The following RERE variants were observed in gnomAD, a reference collection of about 807,000 sequenced individuals.
RERE encodes arginine-glutamic acid dipeptide repeats protein.
RERE carries 40 observed loss-of-function variants against 146.1 expected under a neutral mutation model. That is an observed-to-expected ratio of 0.27 (90% confidence interval 0.21 to 0.36). RERE has a LOEUF of 0.36. Ranked by LOEUF, RERE falls within the 10% of genes least tolerant of loss-of-function variation. The pLI is 1.00. For synonymous variants in RERE, 1,003 were observed against 866.0 expected (o/e 1.16, Z -2.78); for missense variants, 1,933 against 2,138.7 (o/e 0.90, Z 1.90).
intron 1 of RERE, among the ~76,000 whole-genome samples, chr1:8,810,201 T>C (rs1429879514): frequency 1.3e-5 from 2 of 152,212 alleles, no homozygotes; most frequent in Non-Finnish European, 1.5e-5. Flanking sequence ...AGTTTCACCA[T>C]GTTTGCCAGG....
intron 1 of RERE, among the ~76,000 whole-genome samples, chr1:8,663,700 C>T (rs978021226): frequency 6.6e-6 from 1 of 152,104 alleles, no homozygotes; most frequent in African/African-American, 2.4e-5. Context: ...CCATTTAAAG[C>T]ATACAATTCA....
At chr1:8,357,124 C>T (rs1324240460) in intron 20 of RERE, among the ~76,000 whole-genome samples, 2 of 152,226 alleles carry the variant, frequency 1.3e-5, no homozygotes, top group Non-Finnish European at 2.9e-5. Flanking sequence ...CACAACGTGG[C>T]ACACGTCTTT....
intron 1 of RERE, among the ~76,000 whole-genome samples, chr1:8,808,279 G>A (rs1305198950): frequency 6.6e-6 from 1 of 151,248 alleles, no homozygotes; most frequent in Admixed American, 6.6e-5. Context: ...ATTGTTTTTA[G>A]CATTTCCTAT....
intron 1 of RERE, among the ~76,000 whole-genome samples, chr1:8,808,808 A>G (rs895142096): frequency 2.0e-5 from 3 of 152,158 alleles, no homozygotes; most frequent in Non-Finnish European, 4.4e-5. Flanking sequence ...GAGATTTTCA[A>G]AATTTGAGGC....
intron 4 of RERE, among the ~76,000 whole-genome samples, chr1:8,587,151 GA>G (rs1646436891): frequency 6.6e-6 from 1 of 152,110 alleles, no homozygotes; most frequent in African/African-American, 2.4e-5. Context: ...CGAAAACCAG[GA>G]AGTCTTCAAT....
intron 1 of RERE, among the ~76,000 whole-genome samples, chr1:8,682,336 TA>T (rs1170026990): frequency 1.3e-5 from 2 of 152,244 alleles, no homozygotes. Flanking sequence ...CATTTCAATA[TA>T]AATCTCTTTA....
At chr1:8,549,657 T>A (rs903103903) in intron 6 of RERE, among the ~76,000 whole-genome samples, 1 of 152,168 alleles carries the variant, frequency 6.6e-6, no homozygotes, top group Non-Finnish European at 1.5e-5. Context: ...ATCTCCCAGG[T>A]TAATTAAGCA....
intron 4 of RERE, among the ~76,000 whole-genome samples, chr1:8,570,341 A>G (rs1233292637): frequency 6.6e-6 from 1 of 152,078 alleles, no homozygotes; most frequent in Non-Finnish European, 1.5e-5. Flanking sequence ...AAAAAATAAT[A>G]ATAATAAAAA....
intron 10 of RERE, among the ~76,000 whole-genome samples, chr1:8,467,177 T>G (rs1372552638): frequency 6.6e-6 from 1 of 152,216 alleles, no homozygotes; most frequent in Non-Finnish European, 1.5e-5. Flanking sequence ...GAGTGGACGT[T>G]CTGATCTTTT....
At chr1:8,382,550 G>A (rs1330325574) in intron 12 of RERE, among the ~76,000 whole-genome samples, 1 of 152,230 alleles carries the variant, frequency 6.6e-6, no homozygotes, top group Non-Finnish European at 1.5e-5. Flanking sequence ...TTAAAATGAA[G>A]TGACTATTAA....
At chr1:8,601,671 C>CACACAT (rs1468928033) in intron 4 of RERE, among the ~76,000 whole-genome samples, 2 of 132,750 alleles carry the variant, frequency 1.5e-5, no homozygotes, top group Non-Finnish European at 3.2e-5. Flanking sequence ...CACACACACA[C>CACACAT]ATCTTCCTTC....
chr1:8,479,226 A>G (rs990530219), intron 10 of RERE, among the ~76,000 whole-genome samples: 2 of 152,156 alleles, frequency 1.3e-5, no homozygotes, highest in African/African-American at 4.8e-5. Flanking sequence ...CTCTACAAAA[A>G]AATTTTTTTA....
Position 8,502,689 on chromosome 1 carries a change from G to C in RERE, c.880-5160C>G, listed in dbSNP as rs1011352421. Among the ~76,000 whole-genome samples the C allele has an allele frequency of 2.4e-3, 367 of 150,726 alleles. 1 individual carries two copies. Among genetic ancestry groups the C allele is most frequent in the African/African-American group, 8.6e-3 (351 of 40,852 alleles). On this transcript the variant is annotated intron_variant, in intron 8 of 22. Coordinates refer to ENST00000400908, the MANE Select transcript of RERE (RefSeq NM_001042681.2). ...AAAATTGAGAAATCGGATGGTTGCC[G>C]GGTCTGTGTGGATAGAAGTAGATAT... is the stretch of plus-strand genomic sequence containing the variant.
At chr1:8,422,641 G>C in intron 12 of RERE, 86 bp downstream of exon 12, 1 of 1,042,882 alleles carries the variant, frequency 9.6e-7, no homozygotes, top group South Asian at 1.3e-5. Flanking sequence ...CAGGGTTAAA[G>C]GAAACCATTT....
intron 12 of RERE, among the ~76,000 whole-genome samples, chr1:8,401,424 AGAGT>A (rs751999483): frequency 1.4e-4 from 21 of 151,858 alleles, no homozygotes; most frequent in Non-Finnish European, 2.2e-4. Flanking sequence ...CCTGCGCAAC[AGAGT>A]GAGAACCTGT....
At chr1:8,669,920 A>C (rs193281067) in intron 1 of RERE, among the ~76,000 whole-genome samples, 1 of 152,350 alleles carries the variant, frequency 6.6e-6, no homozygotes, top group Admixed American at 6.5e-5. Flanking sequence ...GAAAAAAATC[A>C]AAAGCATTCA....
At chr1:8,426,126 A>G (rs980428619) in intron 11 of RERE, among the ~76,000 whole-genome samples, 2 of 152,126 alleles carry the variant, frequency 1.3e-5, no homozygotes, top group African/African-American at 2.4e-5. Context: ...CTCGGGTCCA[A>G]TGTCAAATCA....
intron 1 of RERE, among the ~76,000 whole-genome samples, chr1:8,723,502 G>A (rs1361672830): frequency 6.6e-6 from 1 of 151,886 alleles, no homozygotes; most frequent in Non-Finnish European, 1.5e-5. Flanking sequence ...TACCTGACAA[G>A]GTCTTTAAAG....
chr1:8,570,509 T>G (rs1228900320), intron 4 of RERE, among the ~76,000 whole-genome samples: 2 of 152,204 alleles, frequency 1.3e-5, no homozygotes, highest in African/African-American at 4.8e-5. Flanking sequence ...TGCAAATCTC[T>G]TTTACTTCTG....
Sources: gnomAD v4.1 joint callset for allele counts (sites outside exome capture counted in the v4.1 genomes callset) on GRCh38, gnomAD v4.1.1 for gene constraint, MANE v1.5 for transcripts, NCBI Gene and HGNC (gene_info 2026-07-23, HGNC 2026-07-21) for gene names.